MGAT4C: variants seen among roughly 807,000 people sequenced by gnomAD.
MGAT4C encodes the protein alpha-1,3-mannosyl-glycoprotein 4-beta-N-acetylglucosaminyltransferase C.
A neutral mutation model predicts 40.1 loss-of-function variants in MGAT4C; 19 were observed. That is an observed-to-expected ratio of 0.47 (90% CI 0.33 to 0.70). The LOEUF is 0.70. MGAT4C is among the 30% of genes least tolerant of loss of function. The pLI, the probability that MGAT4C is intolerant of heterozygous loss-of-function variation, is 0.02. For missense variants in MGAT4C, 491 were observed against 563.2 expected (o/e 0.87, Z 1.30); for synonymous variants, 181 against 187.1 (o/e 0.97, Z 0.27).
chr12:86,224,051 A>G (rs1318745825), intron 1 of MGAT4C, among the ~76,000 whole-genome samples: 1 of 152,184 alleles, frequency 6.6e-6, no homozygotes, highest in Non-Finnish European at 1.5e-5. Context: ...GAGGTCCAAG[A>G]ATTGGCCCGT....
intron 2 of MGAT4C, among the ~76,000 whole-genome samples, chr12:86,457,940 C>T (rs1347584743): frequency 6.6e-6 from 1 of 151,690 alleles, no homozygotes; most frequent in East Asian, 1.9e-4. Context: ...TTATAAAATA[C>T]TTTTAAAGAC....
At chr12:86,705,213 TATCTC>T (rs1325055775) in intron 2 of MGAT4C, among the ~76,000 whole-genome samples, 2 of 123,034 alleles carry the variant, frequency 1.6e-5, no homozygotes, top group South Asian at 2.8e-4. Flanking sequence ...ATCTGTCTAT[TATCTC>T]TATCTATCTA....
intron 2 of MGAT4C, among the ~76,000 whole-genome samples, chr12:86,458,200 A>C (rs892043824): frequency 2.6e-5 from 4 of 152,200 alleles, no homozygotes; most frequent in Non-Finnish European, 5.9e-5. Context: ...AAAAATACTT[A>C]AAATCATTAC....
intron 1 of MGAT4C, among the ~76,000 whole-genome samples, chr12:86,735,811 T>A (rs571772763): frequency 8.6e-5 from 13 of 152,010 alleles, no homozygotes; most frequent in Admixed American, 3.9e-4. Context: ...TAAGTTCAGT[T>A]ATTAGCAAAA....
At chr12:86,223,459 C>T (rs1451639091) in intron 1 of MGAT4C, among the ~76,000 whole-genome samples, 2 of 152,160 alleles carry the variant, frequency 1.3e-5, no homozygotes, top group Non-Finnish European at 2.9e-5. Context: ...CTACTGCAGG[C>T]TACTGTGATA....
intron 1 of MGAT4C, among the ~76,000 whole-genome samples, chr12:86,164,712 C>T (rs552262387): frequency 6.6e-6 from 1 of 152,066 alleles, no homozygotes; most frequent in African/African-American, 2.4e-5. Context: ...GTTTGATGGG[C>T]CACAGAGCAC....
Position 86,120,423 on chromosome 12 carries a change from GA to G in MGAT4C, c.-56-70701del, listed in dbSNP as rs1260146594. On this transcript the variant is annotated intron_variant, in intron 1 of 4. Coordinates refer to ENST00000611864, the MANE Select transcript of MGAT4C (RefSeq NM_001351288.2). Reference sequence around the variant, plus strand: ...TCCCAGCACGCAGCTTGAGATCTGAGAACGGACAGACTGCCTCCTCAAGTGG... The same window carrying G: ...TCCCAGCACGCAGCTTGAGATCTGAGACGGACAGACTGCCTCCTCAAGTGG... 5.9e-5 allele frequency among the ~76,000 whole-genome samples: 9 copies of G among 152,198 alleles called. No individual in the cohort carries two copies. The East Asian group carries it at 1.6e-3, about 26-fold the overall frequency.
At chr12:86,075,764 C>A (rs1475087356) in intron 1 of MGAT4C, among the ~76,000 whole-genome samples, 1 of 152,220 alleles carries the variant, frequency 6.6e-6, no homozygotes, top group East Asian at 1.9e-4. Flanking sequence ...TCCTCTGAAG[C>A]CACAGCCCAA....
At chr12:86,534,466 C>A (rs1407084180) in intron 2 of MGAT4C, among the ~76,000 whole-genome samples, 1 of 152,060 alleles carries the variant, frequency 6.6e-6, no homozygotes, top group Non-Finnish European at 1.5e-5. Context: ...AAACTGTACA[C>A]CAACCACCTT....
At chr12:86,613,667 A>G (rs1378706353) in intron 2 of MGAT4C, among the ~76,000 whole-genome samples, 1 of 152,168 alleles carries the variant, frequency 6.6e-6, no homozygotes, top group Non-Finnish European at 1.5e-5. Context: ...GGAATACTAT[A>G]ACTGCAAGCA....
intron 2 of MGAT4C, among the ~76,000 whole-genome samples, chr12:86,670,605 G>T (rs954845639): frequency 2.6e-5 from 4 of 152,096 alleles, no homozygotes; most frequent in African/African-American, 9.7e-5. Context: ...CCTATAAGTT[G>T]TTCGCATTCA....
rs138451883 is a variant in MGAT4C, at chr12:86,225,713, T to C, written c.-57+30526A>G. Among the ~76,000 whole-genome samples, 7 of 152,234 alleles carry C rather than the reference T, an allele frequency of 4.6e-5. No homozygotes were observed. In the East Asian group the frequency reaches 1.4e-3, roughly 29 times the overall value. On this transcript the variant is annotated intron_variant, in intron 1 of 4. Coordinates refer to ENST00000611864, the MANE Select transcript of MGAT4C (RefSeq NM_001351288.2). ...AAAATTATATAATTATCTCAGTAGA[T>C]GCAGAAAAATCATTTGATAAAATTT... is the stretch of plus-strand genomic sequence containing the variant.
intron 2 of MGAT4C, among the ~76,000 whole-genome samples, chr12:86,675,258 G>A (rs1964363459): frequency 6.6e-6 from 1 of 152,110 alleles, no homozygotes; most frequent in Admixed American, 6.5e-5. Flanking sequence ...TTAATCATAT[G>A]TTGATAGAAA....
intron 1 of MGAT4C, among the ~76,000 whole-genome samples, chr12:86,172,435 C>T (rs1050283812): frequency 6.6e-6 from 1 of 151,956 alleles, no homozygotes; most frequent in Non-Finnish European, 1.5e-5. Flanking sequence ...ATACTGTATA[C>T]CAGGTCTTCT....
intron 1 of MGAT4C, among the ~76,000 whole-genome samples, chr12:86,143,816 G>T (rs1382318360): frequency 6.6e-6 from 1 of 152,126 alleles, no homozygotes; most frequent in African/African-American, 2.4e-5. Flanking sequence ...TACTATTTTA[G>T]CAGGTTGTAG....
intron 2 of MGAT4C, among the ~76,000 whole-genome samples, chr12:86,671,449 A>G (rs1226660975): frequency 6.6e-6 from 1 of 152,172 alleles, no homozygotes; most frequent in African/African-American, 2.4e-5. Flanking sequence ...GCCAGGAGAG[A>G]GTGGGGGCCT....
At chr12:86,069,575 A>G (rs1894874359) in intron 1 of MGAT4C, among the ~76,000 whole-genome samples, 1 of 152,148 alleles carries the variant, frequency 6.6e-6, no homozygotes, top group Non-Finnish European at 1.5e-5. Flanking sequence ...AATCTACACA[A>G]TATTCTTATT....
chr12:86,598,445 T>C (rs1379676173), intron 2 of MGAT4C, among the ~76,000 whole-genome samples: 1 of 152,096 alleles, frequency 6.6e-6, no homozygotes, highest in Non-Finnish European at 1.5e-5. Flanking sequence ...AAGCAGAGTA[T>C]AGAAACAAAT....
intron 1 of MGAT4C, among the ~76,000 whole-genome samples, chr12:86,754,938 C>T (rs757132802): frequency 2.0e-5 from 3 of 151,894 alleles, no homozygotes; most frequent in Non-Finnish European, 4.4e-5. Flanking sequence ...GTTTTTAATT[C>T]ATGGTGAGTC....
Sources: gnomAD v4.1 joint callset for allele counts (sites outside exome capture counted in the v4.1 genomes callset) on GRCh38, gnomAD v4.1.1 for gene constraint, MANE v1.5 for transcripts, NCBI Gene and HGNC (gene_info 2026-07-23, HGNC 2026-07-21) for gene names.